Variants in EML3 observed in about 807,000 individuals in gnomAD.
EML3 encodes the protein EMAP like 3, also known as echinoderm microtubule-associated protein-like 3.
In EML3, 53 loss-of-function variants were observed where a neutral mutation model predicts 106.7. The ratio of observed to expected loss-of-function variants is 0.50; its 90% CI spans 0.40 to 0.62. The LOEUF is 0.62. EML3 is among the 20% of genes least tolerant of loss of function. The pLI is 0.00. For synonymous variants in EML3, 499 were observed against 489.6 expected (o/e 1.02, Z -0.25); for missense variants, 994 against 1,209.1 (o/e 0.82, Z 2.64).
At chr11:62,607,607 C>A in intron 11 of EML3, 59 bp downstream of exon 11, 1 of 1,573,764 alleles carries the variant, frequency 6.4e-7, no homozygotes, top group Non-Finnish European at 8.6e-7. Context: ...TAGTACTCAG[C>A]CCAGTGCTTC....
intron 4 of EML3, 61 bp downstream of exon 4, chr11:62,610,818 G>A: frequency 1.4e-6 from 2 of 1,410,768 alleles, no homozygotes; most frequent in Non-Finnish European, 2.0e-6. Flanking sequence ...TGAGGTGAGG[G>A]ATATGGAAAG....
chr11:62,611,357 T>A lies in EML3; in HGVS notation c.195-13A>T. On this transcript the variant is annotated splice_polypyrimidine_tract_variant and intron_variant, in intron 2 of 21. Transcript: ENST00000394773. ...GGGGGCTGCAAGACTGCTGGAGAGA[T>A]GTTGAATTAACCTGAAGCCCCAGAG... is the stretch of plus-strand genomic sequence containing the variant. 6.2e-7 allele frequency: 1 copy of A among 1,613,208 alleles called. No homozygotes were observed. The highest frequency in any genetic ancestry group is 8.5e-7 in the Non-Finnish European group (1 of 1,179,822).
intron 20 of EML3, 70 bp downstream of exon 20, chr11:62,603,079 G>C: frequency 6.3e-7 from 1 of 1,591,222 alleles, no homozygotes; most frequent in East Asian, 2.2e-5. Flanking sequence ...CACACGCCCA[G>C]CGTTCCAAGC....
At chr11:62,608,349 GT>G (rs1397466234) in intron 9 of EML3, 53 bp from the exon 10 acceptor site, 80 of 1,531,118 alleles carry the variant, frequency 5.2e-5, no homozygotes, top group Non-Finnish European at 7.0e-5. Flanking sequence ...AGGTCCAGGG[GT>G]TCATGGTCAT....
chr11:62,610,353 G>A (rs1942747983), intron 4 of EML3, among the ~76,000 whole-genome samples: 1 of 152,164 alleles, frequency 6.6e-6, no homozygotes, highest in South Asian at 2.1e-4. Context: ...CATACTCTGA[G>A]GCAACTACAT....
In EML3 at chr11:62,605,959, C is replaced by A; in HGVS notation, c.1678G>T (p.Val560Leu). 6.8e-6 allele frequency: 11 copies of A among 1,614,164 alleles called. No individual in the cohort carries two copies. The highest frequency in any genetic ancestry group is 9.3e-6 in the Non-Finnish European group (11 of 1,180,046). Residue 560 changes from valine to leucine, a missense_variant, in exon 14 of 22, where the codon GTG (valine) becomes TTG (leucine). Physicochemically the swap from Val to Leu is conservative, Grantham distance 32. Coordinates refer to ENST00000394773, the MANE Select transcript of EML3 (RefSeq NM_153265.3). The surrounding 1 kb of genome is among the most constrained non-coding windows in gnomAD (Gnocchi z 5.2). ...EAEIPEHFGA[V>L]RAIAEGLGSE... ...CCAAGCCCTTCAGCAATGGCTCGCACGGCCCCGAAGTGCTCGGGAATCTGC... is the reference window on the plus strand; with the variant it reads ...CCAAGCCCTTCAGCAATGGCTCGCAAGGCCCCGAAGTGCTCGGGAATCTGC...
intron 4 of EML3, among the ~76,000 whole-genome samples, chr11:62,610,515 T>G (rs767042721): frequency 1.3e-5 from 2 of 151,942 alleles, no homozygotes; most frequent in Non-Finnish European, 2.9e-5. Flanking sequence ...TCGCAGAAGG[T>G]GTGCTGTGAT....
chr11:62,611,546 C>G lies in EML3; in HGVS notation c.73G>C (p.Val25Leu). 6.2e-7 allele frequency: 1 copy of G among 1,613,764 alleles called. No homozygotes were observed. The highest frequency in any genetic ancestry group is 8.5e-7 in the Non-Finnish European group (1 of 1,179,996). ...ACCAGTTCCATCTCCTGCTCCTGCA[C>G]CCGAAGCCGCTGGCTCAGAGACTGG... ...ALQSLSQRLR[V>L]QEQEMELVKA... The change falls in exon 2 of 22, where the codon GTG (valine) becomes CTG (leucine). Residue 25 changes from valine to leucine, a missense_variant. Physicochemically the swap from Val to Leu is conservative, Grantham distance 32. Coordinates refer to ENST00000394773, the MANE Select transcript of EML3 (RefSeq NM_153265.3).
intron 11 of EML3, chr11:62,607,333 CA>C (rs113338347): frequency 2.5e-3 from 897 of 360,996 alleles, no homozygotes; most frequent in South Asian, 3.3e-3. Flanking sequence ...ACAAAAAAAA[CA>C]AAAAAAAAAC....
In EML3 at chr11:62,611,257, C is replaced by G. The variant is rs995117512; in HGVS notation, c.282G>C (p.Lys94Asn). The G allele has an allele frequency of 1.2e-6, 2 of 1,612,692 alleles. No homozygotes were observed. Among genetic ancestry groups the G allele is most frequent in the African/African-American group, 1.3e-5 (1 of 75,028 alleles). Residue 94 changes from lysine (K) to asparagine (N), a missense_variant, in exon 3 of 22, where the codon AAG (lysine) becomes AAC (asparagine). Physicochemically the swap from Lys to Asn is moderately conservative, Grantham distance 94 (BLOSUM62 0). Around this residue, in one of 3 missense-constraint regions of EML3, gnomAD observed 269 missense variants for 265.1 expected, o/e 1.01. Coordinates refer to ENST00000394773, the MANE Select transcript of EML3 (RefSeq NM_153265.3). ...TCAGGCCAGGGGGTCCAGGGGATGACTTGAGCTCCACCTCTGTCTCCGTCT... is the reference window on the plus strand; with the variant it reads ...TCAGGCCAGGGGGTCCAGGGGATGAGTTGAGCTCCACCTCTGTCTCCGTCT... ...GTQTETEVELKSSPGPPGLSN... is the reference protein window; with the variant it reads ...GTQTETEVELNSSPGPPGLSN...
At chr11:62,603,844 G>A in intron 18 of EML3, 28 bp from the exon 19 acceptor site, 4 of 1,613,202 alleles carry the variant, frequency 2.5e-6, no homozygotes, top group Non-Finnish European at 3.4e-6. Flanking sequence ...GAGTTTTAAA[G>A]TATCCCATCC....
At position 62,606,065 on chromosome 11, in the gene EML3, C is replaced by T; in HGVS notation, c.1654G>A (p.Glu552Lys). Residue 552 changes from glutamate (E) to lysine (K), a missense_variant and splice_region_variant, in exon 13 of 22, where the codon GAG becomes AAG. Coordinates refer to ENST00000394773, the MANE Select transcript of EML3 (RefSeq NM_153265.3). ...CTTGACCCCAGCCCAGCCCTCACCT[C>T]AGCCTCCTGGAGGGCCACCAACCCG... ...GPGLVALQEA[E>K]IPEHFGAVRA... is the part of the protein sequence containing the mutation. 1 of 1,614,004 alleles carries T rather than the reference C, an allele frequency of 6.2e-7. No individual in the cohort carries two copies. The highest frequency in any genetic ancestry group is 8.5e-7 in the Non-Finnish European group (1 of 1,179,970).
intron 1 of EML3, chr11:62,611,858 C>G: frequency 1.9e-6 from 1 of 533,412 alleles, no homozygotes. Context: ...CCATGGAGTA[C>G]CGGGGGGGAA....
intron 10 of EML3, 148 bp downstream of exon 10, chr11:62,608,053 A>G: frequency 2.3e-6 from 2 of 868,198 alleles, no homozygotes; most frequent in South Asian, 3.2e-5. Context: ...TCACAAATGA[A>G]GAAACTAAGG....
chr11:62,612,398 C>T (rs900775291), intron 1 of EML3, 38 bp downstream of exon 1: 25 of 1,498,606 alleles, frequency 1.7e-5, no homozygotes, highest in Non-Finnish European at 1.9e-5. Context: ...CCGGGCGCTC[C>T]GGGAAGGGGC....
chr11:62,609,181 G>A (rs747220002), intron 6 of EML3, 49 bp from the exon 7 acceptor site: 1 of 1,608,084 alleles, frequency 6.2e-7, no homozygotes, highest in Non-Finnish European at 8.5e-7. Flanking sequence ...AGGGCAGGAG[G>A]AGGAAGAGGG....
chr11:62,604,892 C>G (rs1942436558), intron 16 of EML3: 3 of 406,046 alleles, frequency 7.4e-6, no homozygotes, highest in African/African-American at 2.1e-5. Context: ...TCCTCCACTC[C>G]CAGGCTTGGA....
chr11:62,609,751 G>T, intron 4 of EML3, 55 bp from the exon 5 acceptor site: 8 of 1,476,120 alleles, frequency 5.4e-6, no homozygotes, highest in African/African-American at 1.4e-5. Context: ...GACCTAAGCG[G>T]GGAGGGGCAG....
At position 62,605,010 on chromosome 11, in the gene EML3, T is replaced by A. The variant is rs1445863078; in HGVS notation, c.1982+103A>T. On this transcript the variant is annotated intron_variant, in intron 16 of 21. Coordinates refer to ENST00000394773, the MANE Select transcript of EML3 (RefSeq NM_153265.3). The surrounding 1 kb of genome is among the most constrained non-coding windows in gnomAD (Gnocchi z 5.2). ...GCACAGAGGAGTGCCAAGGCGCAGG[T>A]GGCTCCTGGGTAGAGGTGGTCACTC... The A allele has an allele frequency of 1.7e-6, 2 of 1,182,976 alleles. No homozygotes were observed. 73.3% of individuals were successfully genotyped at this position (1,182,976 alleles called of 1,614,324 possible).
Sources: gnomAD v4.1 joint callset for allele counts (sites outside exome capture counted in the v4.1 genomes callset) on GRCh38, gnomAD v4.1.1 for gene constraint, gnomAD v4.1.1 regional missense constraint, Gnocchi (gnomAD v3.1) non-coding constraint, MANE v1.5 for transcripts, NCBI Gene and HGNC (gene_info 2026-07-23, HGNC 2026-07-21) for gene names.